SMG6: variants seen among roughly 807,000 people sequenced by gnomAD.
SMG6 encodes the protein SMG6 nonsense mediated mRNA decay factor.
SMG6 carries 66 observed loss-of-function variants against 142.2 expected under a neutral mutation model. The ratio of observed to expected loss-of-function variants is 0.46; its 90% CI spans 0.38 to 0.57. SMG6 has a LOEUF of 0.57. SMG6 is among the 20% of genes least tolerant of loss of function. The probability of loss-of-function intolerance (pLI) is 0.00; values close to 1 mark genes in which losing one functional copy is unlikely to be tolerated. For missense variants in SMG6, 1,793 were observed against 1,832.0 expected (o/e 0.98, Z 0.39); for synonymous variants, 779 against 702.4 (o/e 1.11, Z -1.72).
Position 2,236,523 on chromosome 17 carries a change from A to G in SMG6, c.2838T>C (p.Asn946=). The change falls in exon 10 of 19, where the codon AAT becomes AAC. Residue 946 remains asparagine (N), a synonymous_variant. Coordinates refer to ENST00000263073, the MANE Select transcript of SMG6 (RefSeq NM_017575.5). The part of the protein sequence containing the change: ...STRMLQLMTI[N]MFAVHNSQLK... ...GCTGGGAGTTGTGTACTGCAAACAT[A>G]TTGATGGTCATAAGCTGCAGCATGC... is the stretch of plus-strand genomic sequence containing the variant. 6.2e-7 allele frequency: 1 copy of G among 1,613,296 alleles called. No homozygotes were observed. Among genetic ancestry groups the G allele is most frequent in the South Asian group, 1.1e-5 (1 of 90,772 alleles).
intron 10 of SMG6, among the ~76,000 whole-genome samples, chr17:2,194,003 C>T (rs897082092): frequency 1.3e-5 from 2 of 152,198 alleles, no homozygotes; most frequent in African/African-American, 2.4e-5. Flanking sequence ...GTTGGTCAGG[C>T]TGGTCTCGAA....
At chr17:2,205,312 G>A (rs1181771592) in intron 10 of SMG6, among the ~76,000 whole-genome samples, 3 of 151,992 alleles carry the variant, frequency 2.0e-5, no homozygotes, top group Non-Finnish European at 4.4e-5. Context: ...CAAGTGATCC[G>A]TCCATCTTGC....
At chr17:2,098,751 C>CAGTGTAA (rs2068926533) in intron 13 of SMG6, among the ~76,000 whole-genome samples, 1 of 152,080 alleles carries the variant, frequency 6.6e-6, no homozygotes, top group African/African-American at 2.4e-5. Context: ...CTGCCTCAGC[C>CAGTGTAA]TCCCGAGTAG....
At chr17:2,165,933 C>A (rs913985927) in intron 13 of SMG6, among the ~76,000 whole-genome samples, 1 of 151,848 alleles carries the variant, frequency 6.6e-6, no homozygotes, top group Non-Finnish European at 1.5e-5. Flanking sequence ...ACAAAATGGA[C>A]GGGCGCGGTG....
At position 2,103,655 on chromosome 17, in the gene SMG6, G is replaced by A. The variant is rs137973070; in HGVS notation, c.3358-17754C>T. Among the ~76,000 whole-genome samples, 652 of 152,282 alleles carry A rather than the reference G, an allele frequency of 4.3e-3. 7 individuals carry two copies. Among genetic ancestry groups the A allele is most frequent in the African/African-American group, 0.015 (617 of 41,544 alleles). ...TTGCTCCAGCAGGCAGTGGGGAACG[G>A]CTGGCTCTCGCCCCACGCTCTTCTT... On this transcript the variant is annotated intron_variant, in intron 13 of 18. Transcript: ENST00000263073.
At chr17:2,158,363 A>G (rs1040215151) in intron 13 of SMG6, among the ~76,000 whole-genome samples, 1 of 152,236 alleles carries the variant, frequency 6.6e-6, no homozygotes, top group South Asian at 2.1e-4. Context: ...AAGAAAAAAA[A>G]AAGTATTGCT....
chr17:2,189,574 T>C (rs1018029720), intron 10 of SMG6, among the ~76,000 whole-genome samples: 3 of 152,184 alleles, frequency 2.0e-5, no homozygotes, highest in Non-Finnish European at 4.4e-5. Context: ...GTTAAAAGGA[T>C]AATCAGCTGA....
chr17:2,303,524 G>T (rs1037522309), intron 1 of SMG6, 109 bp downstream of exon 1: 49 of 1,335,284 alleles, frequency 3.7e-5, no homozygotes, highest in Non-Finnish European at 4.6e-5. Flanking sequence ...ACTGCTGGGG[G>T]AAGGGGCGGG....
chr17:2,092,728 G>C (rs2068757722), intron 13 of SMG6, among the ~76,000 whole-genome samples: 1 of 152,230 alleles, frequency 6.6e-6, no homozygotes, highest in Non-Finnish European at 1.5e-5. Context: ...AAAAAACAGG[G>C]CCATTCTGGC....
chr17:2,303,328 T>A (rs2075327959), intron 1 of SMG6: 1 of 1,156,926 alleles, frequency 8.6e-7, no homozygotes. Flanking sequence ...TCCCGATGCC[T>A]GGGAATCCGG....
At chr17:2,131,289 C>T (rs1938775168) in intron 13 of SMG6, among the ~76,000 whole-genome samples, 1 of 145,058 alleles carries the variant, frequency 6.9e-6, no homozygotes, top group African/African-American at 2.7e-5. Context: ...ATATTGCACA[C>T]TCAGAAATGA....
intron 15 of SMG6, among the ~76,000 whole-genome samples, chr17:2,077,078 C>G (rs1053427288): frequency 2.0e-5 from 3 of 152,176 alleles, no homozygotes; most frequent in African/African-American, 7.2e-5. Flanking sequence ...CCTGGACTTG[C>G]GTTTTGTACG....
At chr17:2,105,722 A>G (rs2069138944) in intron 13 of SMG6, among the ~76,000 whole-genome samples, 3 of 152,192 alleles carry the variant, frequency 2.0e-5, no homozygotes, top group South Asian at 4.1e-4. Context: ...TTCTCAGGAT[A>G]CCTGCCCTAA....
Position 2,061,305 on chromosome 17 carries a change from G to A in SMG6, c.*187C>T, listed in dbSNP as rs1219790739. ...AGGAGGGTCCCAGCAGCTTCCGCCC[G>A]ATCCTTGGGAGGGGCTCTGTGAGGA... is the stretch of plus-strand genomic sequence containing the variant. On this transcript the variant is annotated 3_prime_UTR_variant, in exon 19 of 19. Coordinates refer to ENST00000263073, the MANE Select transcript of SMG6 (RefSeq NM_017575.5). 1.8e-5 allele frequency: 11 copies of A among 610,734 alleles called. No homozygotes were observed. Among genetic ancestry groups the A allele is most frequent in the Admixed American group, 1.5e-4 (5 of 32,372 alleles). The allele number at this position is 610,734 out of a possible 1,614,324, so 37.8% of individuals were successfully genotyped here. A position where few individuals can be genotyped will look rare whatever the true frequency, so the allele number is the denominator to read the frequency against.
chr17:2,221,382 C>CTCCTTCCTCT (rs2073165521), intron 10 of SMG6, among the ~76,000 whole-genome samples: 1 of 152,162 alleles, frequency 6.6e-6, no homozygotes, highest in African/African-American at 2.4e-5. Flanking sequence ...CCATGGAAGA[C>CTCCTTCCTCT]GTGCCTCCTT....
intron 13 of SMG6, among the ~76,000 whole-genome samples, chr17:2,130,486 G>A (rs962490957): frequency 6.6e-6 from 1 of 151,758 alleles, no homozygotes; most frequent in Non-Finnish European, 1.5e-5. Context: ...TTGCTCACTG[G>A]CTCAATGGAA....
chr17:2,225,632 C>T (rs187476810), intron 10 of SMG6, among the ~76,000 whole-genome samples: 71 of 152,178 alleles, frequency 4.7e-4, no homozygotes, highest in East Asian at 9.6e-4. Flanking sequence ...TACATGACAA[C>T]GATGGCATGC....
chr17:2,141,808 G>A (rs2070489087), intron 13 of SMG6, among the ~76,000 whole-genome samples: 1 of 152,206 alleles, frequency 6.6e-6, no homozygotes, highest in African/African-American at 2.4e-5. Context: ...ATCTGGAGCA[G>A]AGGCCATTGA....
chr17:2,065,478 G>C lies in SMG6; in HGVS notation c.4037C>G (p.Thr1346Ser). The C allele has an allele frequency of 6.2e-7, 1 of 1,612,484 alleles. No homozygotes were observed. Among genetic ancestry groups the C allele is most frequent in the Non-Finnish European group, 8.5e-7 (1 of 1,179,910 alleles). The change falls in exon 17 of 19, where the codon ACT becomes AGT. Residue 1346 changes from threonine to serine, a missense_variant. Thr to Ser is a moderately conservative substitution (Grantham distance 58). Transcript: ENST00000263073. ...ESIAFRSEDI[T>S]GQLGNNDDLI... is the part of the protein sequence containing the mutation. ...GCCACAGGGTCTCACCAGCTGGCCA[G>C]TGATGTCCTCACTGCGGAAGGCGAT...
Sources: gnomAD v4.1 joint callset for allele counts (sites outside exome capture counted in the v4.1 genomes callset) on GRCh38, gnomAD v4.1.1 for gene constraint, MANE v1.5 for transcripts, NCBI Gene and HGNC (gene_info 2026-07-23, HGNC 2026-07-21) for gene names.